DNAJB6: variants seen among roughly 807,000 people sequenced by gnomAD.
DNAJB6 encodes DnaJ heat shock protein family (Hsp40) member B6, also known as dnaJ homolog subfamily B member 6.
A neutral mutation model predicts 42.7 loss-of-function variants in DNAJB6; 16 were observed. The ratio of observed to expected loss-of-function variants is 0.37; its 90% confidence interval spans 0.25 to 0.57. The LOEUF (loss-of-function observed/expected upper bound fraction) is 0.57. Among genes scored for constraint, DNAJB6 ranks in the 20% least tolerant of loss-of-function variants. The pLI, the probability that DNAJB6 is intolerant of heterozygous loss-of-function variation, is 0.74. For missense variants in DNAJB6, 347 were observed against 416.8 expected, an observed-to-expected ratio of 0.83 and a Z score of 1.46; for synonymous variants, 170 against 163.5, an observed-to-expected ratio of 1.04 and a Z score of -0.30.
intron 2 of DNAJB6, among the ~76,000 whole-genome samples, chr7:157,361,433 A>G (rs542087010): frequency 3.3e-5 from 5 of 152,290 alleles, no homozygotes; most frequent in African/African-American, 1.2e-4. Context: ...CTGAGATTAC[A>G]GGCATGAGCC....
intron 1 of DNAJB6, among the ~76,000 whole-genome samples, chr7:157,352,067 C>T (rs1213625456): frequency 1.3e-5 from 2 of 151,912 alleles, no homozygotes; most frequent in Admixed American, 6.6e-5. Flanking sequence ...ATTTGTGGCT[C>T]ACGCCTGTAT....
intron 6 of DNAJB6, among the ~76,000 whole-genome samples, chr7:157,383,091 C>G (rs946931758): frequency 3.9e-5 from 6 of 152,126 alleles, no homozygotes; most frequent in Non-Finnish European, 7.4e-5. Context: ...CTGCAGCCTC[C>G]CGCCTCCTGG....
At chr7:157,360,557 T>C (rs1306472491) in intron 2 of DNAJB6, among the ~76,000 whole-genome samples, 3 of 152,350 alleles carry the variant, frequency 2.0e-5, no homozygotes, top group East Asian at 3.9e-4. Flanking sequence ...TACAGGTTGC[T>C]GAGTGTCTCT....
intron 5 of DNAJB6, among the ~76,000 whole-genome samples, chr7:157,373,211 A>G (rs1223430236): frequency 6.6e-6 from 1 of 152,182 alleles, no homozygotes; most frequent in African/African-American, 2.4e-5. Flanking sequence ...CTCTAATTTA[A>G]TCTTTTTTGG....
chr7:157,394,451 C>T (rs1369019895), intron 8 of DNAJB6, among the ~76,000 whole-genome samples: 1 of 151,730 alleles, frequency 6.6e-6, no homozygotes, highest in Non-Finnish European at 1.5e-5. Flanking sequence ...ATCGCTTGAG[C>T]CCTGGAGGTC....
At chr7:157,409,033 A>G (rs752163303) in intron 8 of DNAJB6, among the ~76,000 whole-genome samples, 1 of 152,206 alleles carries the variant, frequency 6.6e-6, no homozygotes, top group Non-Finnish European at 1.5e-5. Flanking sequence ...CCTCACATCC[A>G]CGCAGTGATT....
intron 8 of DNAJB6, among the ~76,000 whole-genome samples, chr7:157,394,540 G>C (rs1467999004): frequency 6.8e-6 from 1 of 146,690 alleles, no homozygotes; most frequent in African/African-American, 2.6e-5. Flanking sequence ...AAAAAAAAAA[G>C]TTGAAAATAT....
intron 8 of DNAJB6, among the ~76,000 whole-genome samples, chr7:157,396,819 CTG>C (rs1441136141): frequency 6.6e-6 from 1 of 152,168 alleles, no homozygotes; most frequent in Non-Finnish European, 1.5e-5. Context: ...TCCCCCGAGA[CTG>C]AGGAACTTCA....
chr7:157,368,978 A>G, intron 5 of DNAJB6: 2 of 342,862 alleles, frequency 5.8e-6, no homozygotes, highest in South Asian at 2.2e-5. Flanking sequence ...GCAGTTCTTC[A>G]GTGTGTCTCA....
In DNAJB6 at chr7:157,366,370, A is replaced by G. The variant is rs575438235; in HGVS notation, c.176-132A>G. 4.7e-4 allele frequency: 342 copies of G among 732,222 alleles called. 2 individuals are homozygous for G. In the East Asian group the frequency reaches 9.1e-3, roughly 20 times the overall value. 45.4% of individuals were successfully genotyped at this position (732,222 alleles called of 1,614,324 possible). On this transcript the variant is annotated intron_variant, in intron 3 of 9. Transcript: ENST00000262177. ...CTGTTGCTTTGTTTTGTTTTAAAGA[A>G]AAGGTGGCCATACTCCTTGAAATTC...
intron 1 of DNAJB6, among the ~76,000 whole-genome samples, chr7:157,353,562 T>C (rs189191000): frequency 2.0e-4 from 30 of 151,482 alleles, no homozygotes; most frequent in African/African-American, 6.6e-4. Flanking sequence ...ACAGGTTGTC[T>C]GTCCCGTTGT....
At chr7:157,340,267 G>A (rs1486418483) in intron 1 of DNAJB6, among the ~76,000 whole-genome samples, 1 of 152,146 alleles carries the variant, frequency 6.6e-6, no homozygotes, top group Non-Finnish European at 1.5e-5. Context: ...TCAAAATGTG[G>A]TTTGGTTAAA....
intron 1 of DNAJB6, chr7:157,337,479 C>T (rs1242840107): frequency 2.0e-5 from 3 of 151,954 alleles, no homozygotes; most frequent in East Asian, 1.9e-4. Flanking sequence ...TGGGGCTCGG[C>T]TGGGGCTCGG....
At chr7:157,354,114 GATA>G (rs1469968526) in intron 1 of DNAJB6, among the ~76,000 whole-genome samples, 1 of 151,980 alleles carries the variant, frequency 6.6e-6, no homozygotes, top group Non-Finnish European at 1.5e-5. Context: ...TATCTGTTGT[GATA>G]ATAATCTACA....
Position 157,338,622 on chromosome 7 carries a change from C to CT in DNAJB6, c.-27+1478_-27+1479insT, listed in dbSNP as rs1199877163. Among the ~76,000 whole-genome samples the CT allele has an allele frequency of 6.7e-4, 102 of 152,362 alleles. 1 individual carries two copies. The highest frequency in any genetic ancestry group is 2.3e-3 in the African/African-American group (97 of 41,580). ...GTGTTGGGATTAGAGGCGCGAGCCA[C>CT]CGCGCCTCGCCGACTCCAGACTTGT... On this transcript the variant is annotated intron_variant, in intron 1 of 9. Transcript: ENST00000262177.
In DNAJB6 at chr7:157,374,667, T is replaced by C. The variant is rs1213536619; in HGVS notation, c.346+7184T>C. Among the ~76,000 whole-genome samples, 4 of 152,234 alleles carry C rather than the reference T, an allele frequency of 2.6e-5. No homozygotes were observed. The East Asian group carries it at 7.7e-4, about 29-fold the overall frequency. ...TACATACTTGGTCGTTTCAGGACCT[T>C]TGTTTCCTCTGACGTCCTCCCTTAA... On this transcript the variant is annotated intron_variant, in intron 5 of 9. Coordinates refer to ENST00000262177, the MANE Select transcript of DNAJB6 (RefSeq NM_058246.4).
intron 5 of DNAJB6, 77 bp downstream of exon 5, chr7:157,367,560 G>C: frequency 1.1e-6 from 1 of 922,776 alleles, no homozygotes; most frequent in South Asian, 1.3e-5. Flanking sequence ...CCTTTCTGTT[G>C]AATTAACATT....
chr7:157,353,543 C>T (rs10949644), intron 1 of DNAJB6, among the ~76,000 whole-genome samples: 83,706 of 150,872 alleles, frequency 0.55, 23,529 homozygotes, highest in East Asian at 0.77. Context: ...TTGTCATTTA[C>T]TCTTAGTTAC....
intron 8 of DNAJB6, chr7:157,386,288 G>A (rs1466256894): frequency 3.8e-5 from 37 of 984,604 alleles, no homozygotes; most frequent in Non-Finnish European, 4.3e-5. Flanking sequence ...AAATAAATGC[G>A]AATGTGTTGG....
Sources: gnomAD v4.1 joint callset for allele counts (sites outside exome capture counted in the v4.1 genomes callset) on GRCh38, gnomAD v4.1.1 for gene constraint, MANE v1.5 for transcripts, NCBI Gene and HGNC (gene_info 2026-07-23, HGNC 2026-07-21) for gene names.